The following TUSC3 variants were observed in gnomAD, a reference collection of about 807,000 sequenced individuals.
The protein encoded by TUSC3 is dolichyl-diphosphooligosaccharide--protein glycosyltransferase subunit TUSC3.
In TUSC3, 45 loss-of-function variants were observed where a neutral mutation model predicts 44.8. That is an observed-to-expected ratio of 1.00 (90% CI 0.79 to 1.29). The LOEUF is 1.29. Ranked by LOEUF, TUSC3 falls within the 50% of genes most tolerant of loss-of-function variation. The pLI, the probability that TUSC3 is intolerant of heterozygous loss-of-function variation, is 0.00. For missense variants in TUSC3, 519 were observed against 437.9 expected, an observed-to-expected ratio of 1.19 and a Z score of -1.65; for synonymous variants, 212 against 152.9, an observed-to-expected ratio of 1.39 and a Z score of -2.85.
chr8:15,614,745 A>G (rs890025498), intron 1 of TUSC3, among the ~76,000 whole-genome samples: 4 of 152,140 alleles, frequency 2.6e-5, no homozygotes, highest in Non-Finnish European at 4.4e-5. Context: ...TGCTTGTACA[A>G]ATTTGTAAAT....
the TUSC3 span, among the ~76,000 whole-genome samples, chr8:15,809,408 T>C: frequency 1.3e-5 from 2 of 152,186 alleles, no homozygotes; most frequent in African/African-American, 4.8e-5. Flanking sequence ...TAGGTAAAGG[T>C]CCCTTAAACA....
chr8:15,445,090 G>A (rs960875459), intron 1 of TUSC3, among the ~76,000 whole-genome samples: 66 of 152,136 alleles, frequency 4.3e-4, no homozygotes, highest in Non-Finnish European at 2.2e-4. Flanking sequence ...AATTTGACAG[G>A]AAGCTGTGAA....
intron 2 of TUSC3, among the ~76,000 whole-genome samples, chr8:15,486,123 C>T (rs184438838): frequency 6.6e-6 from 1 of 152,268 alleles, no homozygotes; most frequent in East Asian, 1.9e-4. Flanking sequence ...AATTGAATAA[C>T]AGATGCACAG....
At chr8:15,547,394 A>G (rs1160340344) in intron 1 of TUSC3, among the ~76,000 whole-genome samples, 1 of 151,882 alleles carries the variant, frequency 6.6e-6, no homozygotes, top group East Asian at 1.9e-4. Context: ...GGAGTTTTAC[A>G]GTAAAACTAA....
At chr8:15,848,444 C>A in the TUSC3 span, among the ~76,000 whole-genome samples, 2,720 of 152,266 alleles carry the variant, frequency 0.018, 69 homozygotes, top group African/African-American at 0.062. Context: ...TTGTGAAAAA[C>A]CCAGGGCAGG....
At chr8:15,835,535 A>G in the TUSC3 span, among the ~76,000 whole-genome samples, 86 of 152,246 alleles carry the variant, frequency 5.6e-4, no homozygotes, top group African/African-American at 1.9e-3. Context: ...TTTGAAGATT[A>G]TAACTTTTTC....
intron 10 of TUSC3, chr8:15,758,217 C>G: frequency 1.3e-5 from 13 of 1,011,738 alleles, no homozygotes; most frequent in Non-Finnish European, 1.5e-5. Flanking sequence ...ATCTTTTTTC[C>G]CATTAACAAA....
chr8:15,584,416 T>A (rs769282823), intron 1 of TUSC3, among the ~76,000 whole-genome samples: 4 of 152,200 alleles, frequency 2.6e-5, no homozygotes, highest in Admixed American at 6.5e-5. Context: ...TGGTCATTGA[T>A]CATGCATTAA....
intron 2 of TUSC3, among the ~76,000 whole-genome samples, chr8:15,520,105 C>G (rs903824650): frequency 3.3e-5 from 5 of 152,136 alleles, no homozygotes; most frequent in Admixed American, 3.3e-4. Flanking sequence ...TCCTGTTATC[C>G]TTTCCTGTTC....
chr8:15,802,213 G>A, the TUSC3 span, among the ~76,000 whole-genome samples: 24 of 152,134 alleles, frequency 1.6e-4, no homozygotes, highest in Admixed American at 1.4e-3. Flanking sequence ...TGCTGTAAGA[G>A]TCACTGGGTG....
intron 1 of TUSC3, among the ~76,000 whole-genome samples, chr8:15,594,693 G>T (rs1010725984): frequency 6.6e-5 from 10 of 152,154 alleles, no homozygotes; most frequent in African/African-American, 2.4e-4. Flanking sequence ...GGTGGGAACA[G>T]GCACTATTAC....
chr8:15,693,502 T>C (rs1049820105), intron 6 of TUSC3, among the ~76,000 whole-genome samples: 3 of 149,344 alleles, frequency 2.0e-5, no homozygotes, highest in Non-Finnish European at 4.5e-5. Context: ...TCTCCTGGCT[T>C]GTAGGGTTTC....
the TUSC3 span, among the ~76,000 whole-genome samples, chr8:15,811,336 C>T: frequency 2.0e-5 from 3 of 152,184 alleles, no homozygotes; most frequent in Admixed American, 2.0e-4. Context: ...TCTATAACTA[C>T]ATCCCCTCCA....
In TUSC3 at chr8:15,511,382, A is replaced by C. The variant is rs1039945320; in HGVS notation, n.189+27899A>C. On this transcript the variant is annotated intron_variant and non_coding_transcript_variant, in intron 2 of 5. Coordinates refer to the TUSC3 transcript ENST00000503191. ...ATATGATTATGCATATAAATAGAAA[A>C]TGTGATGGAATATACAAAATAGTTA... Among the ~76,000 whole-genome samples, 6 of 152,176 alleles carry C rather than the reference A, an allele frequency of 3.9e-5. No individual in the cohort carries two copies. The East Asian group carries it at 7.7e-4, about 20-fold the overall frequency.
chr8:15,533,792 A>C (rs79014911), intron 2 of TUSC3, among the ~76,000 whole-genome samples: 1,839 of 152,198 alleles, frequency 0.012, 41 homozygotes, highest in African/African-American at 0.041. Context: ...AAGTTTACTG[A>C]GGGGTTGAAA....
the TUSC3 span, among the ~76,000 whole-genome samples, chr8:15,772,315 A>T: frequency 6.6e-6 from 1 of 152,210 alleles, no homozygotes. Context: ...TAAGAAAAAG[A>T]TACAAATTAC....
chr8:15,595,642 G>T (rs1472343142), intron 1 of TUSC3, among the ~76,000 whole-genome samples: 1 of 152,154 alleles, frequency 6.6e-6, no homozygotes, highest in Non-Finnish European at 1.5e-5. Context: ...AGAAATGGAA[G>T]GAGTATATTT....
chr8:15,769,228 T>C (rs1383714086), downstream of TUSC3, among the ~76,000 whole-genome samples: 2 of 151,884 alleles, frequency 1.3e-5, no homozygotes, highest in African/African-American at 2.4e-5. Context: ...TGAAAACAGA[T>C]ATATAGACCA....
chr8:15,541,471 G>T (rs1330268655), intron 1 of TUSC3, among the ~76,000 whole-genome samples: 1 of 152,128 alleles, frequency 6.6e-6, no homozygotes, highest in Non-Finnish European at 1.5e-5. Flanking sequence ...ACCTACACAG[G>T]GCTCAAAATC....
Sources: gnomAD v4.1 joint callset for allele counts (sites outside exome capture counted in the v4.1 genomes callset) on GRCh38, gnomAD v4.1.1 for gene constraint, MANE v1.5 for transcripts, NCBI Gene and HGNC (gene_info 2026-07-23, HGNC 2026-07-21) for gene names.